The following GTF2IRD1 variants were observed in gnomAD, a reference collection of about 807,000 sequenced individuals.
The protein encoded by GTF2IRD1 is general transcription factor II-I repeat domain-containing protein 1.
In GTF2IRD1, 26 loss-of-function variants were observed where a neutral mutation model predicts 113.2. The observed-to-expected ratio is 0.23, with a 90% confidence interval of 0.17 to 0.32. The LOEUF is 0.32. Among genes scored for constraint, GTF2IRD1 ranks in the 10% least tolerant of loss-of-function variants. GTF2IRD1 has a pLI of 1.00. For missense variants in GTF2IRD1, 864 were observed against 1,280.8 expected (o/e 0.67, Z 4.97); for synonymous variants, 484 against 529.1 (o/e 0.91, Z 1.17).
At position 74,601,651 on chromosome 7, in the gene GTF2IRD1, T is replaced by A. The variant is rs1169819838; in HGVS notation, c.2766+471T>A. On this transcript the variant is annotated intron_variant, in intron 26 of 26. Transcript: ENST00000424337. ...GCCGGGCAAAGTGGGGCATAGTGGC[T>A]CATGCCTGTAATCCCAGCTACTTGG... The A allele has an allele frequency of 3.3e-5, 11 of 336,820 alleles. No homozygotes were observed. In the East Asian group the frequency reaches 7.1e-4, roughly 22 times the overall value. The allele number at this position is 336,820 out of a possible 1,614,324, so 20.9% of individuals were successfully genotyped here.
intron 2 of GTF2IRD1, among the ~76,000 whole-genome samples, chr7:74,510,612 T>G (rs1554342651): frequency 6.6e-6 from 1 of 151,460 alleles, no homozygotes. Flanking sequence ...CCTGATTCAT[T>G]TAAATTCGAA....
At chr7:74,585,274 G>A (rs1801657181) in intron 22 of GTF2IRD1, among the ~76,000 whole-genome samples, 1 of 151,522 alleles carries the variant, frequency 6.6e-6, no homozygotes, top group African/African-American at 2.4e-5. Context: ...ACCACGCCCA[G>A]CTAATTTTTT....
In GTF2IRD1 at chr7:74,519,866, T is replaced by C. The variant is rs1797163988; in HGVS notation, c.916+147T>C. The stretch of plus-strand genomic sequence containing the variant: ...GGGCATGGGAGTGGGACTGGACAGA[T>C]GGTGTCCTGGCTGAGACCCCCTTGG... On this transcript the variant is annotated intron_variant, in intron 6 of 26. Coordinates refer to ENST00000424337, the MANE Select transcript of GTF2IRD1 (RefSeq NM_005685.4). 3 of 585,930 alleles carry C rather than the reference T, an allele frequency of 5.1e-6. No homozygotes were observed. The South Asian group carries it at 6.9e-5, about 13-fold the overall frequency. The allele number at this position is 585,930 out of a possible 1,614,324, so 36.3% of individuals were successfully genotyped here.
intron 1 of GTF2IRD1, among the ~76,000 whole-genome samples, chr7:74,458,653 C>G (rs1162909938): frequency 8.6e-6 from 1 of 116,750 alleles, no homozygotes; most frequent in Non-Finnish European, 1.7e-5. Context: ...CCATCACCCC[C>G]CTTTCTTTTT....
chr7:74,517,951 T>C (rs1797047187), intron 4 of GTF2IRD1, among the ~76,000 whole-genome samples, 188 bp from the exon 5 acceptor site: 1 of 152,098 alleles, frequency 6.6e-6, no homozygotes, highest in Admixed American at 6.5e-5. Context: ...AATTGGGCCT[T>C]GTCCACACCA....
At chr7:74,522,061 A>G (rs781945108) in intron 7 of GTF2IRD1, among the ~76,000 whole-genome samples, 7 of 152,098 alleles carry the variant, frequency 4.6e-5, no homozygotes, top group African/African-American at 9.7e-5. Context: ...TCCTCACAAC[A>G]TGGCCACTGG....
rs1554370777 is a variant in GTF2IRD1 at position 74,593,585 on chromosome 7, T to TGGGGCGTGG, written c.2592-1429_2592-1428insGGGGCGTGG. On this transcript the variant is annotated intron_variant, in intron 24 of 26. Coordinates refer to ENST00000424337, the MANE Select transcript of GTF2IRD1 (RefSeq NM_005685.4). Reference sequence around the variant, plus strand: ...CGTCTCCACTAAAAATACAAAAAACTAGCCGGGCGTGGCGCAGGGCACCTG... The same window carrying TGGGGCGTGG: ...CGTCTCCACTAAAAATACAAAAAACTGGGGCGTGGAGCCGGGCGTGGCGCAGGGCACCTG... Among the ~76,000 whole-genome samples the TGGGGCGTGG allele has an allele frequency of 1.5e-4, 23 of 151,418 alleles. No homozygotes were observed. The East Asian group carries it at 1.6e-3, about 10-fold the overall frequency.
At chr7:74,489,107 A>C (rs1330457223) in intron 1 of GTF2IRD1, among the ~76,000 whole-genome samples, 1 of 151,798 alleles carries the variant, frequency 6.6e-6, no homozygotes, top group Non-Finnish European at 1.5e-5. Context: ...GTGCCACTGC[A>C]CTCCAGCCTG....
chr7:74,515,056 CAAAAAA>C (rs782246030), intron 3 of GTF2IRD1, among the ~76,000 whole-genome samples: 51 of 66,796 alleles, frequency 7.6e-4, no homozygotes, highest in African/African-American at 9.8e-4. Context: ...GACTCTGTCT[CAAAAAA>C]AAAAAAAAAA....
chr7:74,501,276 G>A (rs550213565), intron 1 of GTF2IRD1, among the ~76,000 whole-genome samples: 9 of 152,302 alleles, frequency 5.9e-5, no homozygotes, highest in Admixed American at 1.3e-4. Flanking sequence ...TGAAGGCTGC[G>A]TTGTGGGGTG....
At position 74,600,461 on chromosome 7, in the gene GTF2IRD1, C is replaced by A. The variant is rs144539012; in HGVS notation, c.2630-583C>A. Among the ~76,000 whole-genome samples the A allele has an allele frequency of 1.8e-4, 28 of 152,212 alleles. 1 individual carries two copies. Among genetic ancestry groups the A allele is most frequent in the African/African-American group, 6.5e-4 (27 of 41,534 alleles). On this transcript the variant is annotated intron_variant, in intron 25 of 26. Coordinates refer to ENST00000424337, the MANE Select transcript of GTF2IRD1 (RefSeq NM_005685.4). ...CGATGGCTCATGCCTATAATCCCAG[C>A]ACTTTGGGAGGCCGAGGTGGATGGA...
At chr7:74,578,557 A>AATT (rs1194995070) in intron 22 of GTF2IRD1, among the ~76,000 whole-genome samples, 1 of 152,186 alleles carries the variant, frequency 6.6e-6, no homozygotes, top group Non-Finnish European at 1.5e-5. Flanking sequence ...TGGTTGACAT[A>AATT]ATGCTGAAGT....
chr7:74,493,110 CT>C lies in GTF2IRD1; in HGVS notation c.-6-14949del, dbSNP rs60137731. On this transcript the variant is annotated intron_variant, in intron 1 of 26. Coordinates refer to ENST00000424337, the MANE Select transcript of GTF2IRD1 (RefSeq NM_005685.4). Reference sequence around the variant, plus strand: ...CCTGGCATGACCTCTTCTTCTTCTTCTTTTTTTTTTTTTTTTGAGATAGGGG... The same window carrying C: ...CCTGGCATGACCTCTTCTTCTTCTTCTTTTTTTTTTTTTTTGAGATAGGGG... Among the ~76,000 whole-genome samples, 823 of 134,156 alleles carry C rather than the reference CT, an allele frequency of 6.1e-3. 2 individuals carry two copies. Among genetic ancestry groups the C allele is most frequent in the African/African-American group, 0.01 (371 of 35,688 alleles). 88.0% of individuals were successfully genotyped at this position (134,156 alleles called of 152,430 possible). A position where few individuals can be genotyped will look rare whatever the true frequency, so the allele number is the denominator to read the frequency against.
intron 13 of GTF2IRD1, 113 bp from the exon 14 acceptor site, chr7:74,539,766 A>C: frequency 4.6e-6 from 3 of 657,754 alleles, no homozygotes; most frequent in East Asian, 2.8e-5. Flanking sequence ...AAAAAGAGAC[A>C]GAAAGAAAAG....
At chr7:74,544,030 C>G (rs1798782817) in intron 14 of GTF2IRD1, among the ~76,000 whole-genome samples, 1 of 152,120 alleles carries the variant, frequency 6.6e-6, no homozygotes, top group Admixed American at 6.6e-5. Context: ...TCCTGGGCAA[C>G]AGAGCAAGAC....
chr7:74,547,698 C>T (rs1799031477), intron 17 of GTF2IRD1, among the ~76,000 whole-genome samples: 1 of 151,568 alleles, frequency 6.6e-6, no homozygotes. Flanking sequence ...CTCAGCCTCC[C>T]AAAGTGCTGG....
intron 1 of GTF2IRD1, among the ~76,000 whole-genome samples, chr7:74,499,741 T>G (rs1584530381): frequency 6.6e-6 from 1 of 151,790 alleles, no homozygotes; most frequent in Non-Finnish European, 1.5e-5. Context: ...CACCAAGGGA[T>G]GAATGAATGC....
chr7:74,544,709 A>C, intron 14 of GTF2IRD1, 46 bp from the exon 15 acceptor site: 4 of 1,594,452 alleles, frequency 2.5e-6, no homozygotes, highest in Non-Finnish European at 2.6e-6. Context: ...TGCATGGCTT[A>C]GGAGATGATG....
At position 74,535,103 on chromosome 7, in the gene GTF2IRD1, C is replaced by A; in HGVS notation, c.1275-10C>A. 1 of 1,612,080 alleles carries A rather than the reference C, an allele frequency of 6.2e-7. No individual in the cohort carries two copies. Among genetic ancestry groups the A allele is most frequent in the Non-Finnish European group, 8.5e-7 (1 of 1,178,152 alleles). ...CACTGTTCTCATGCCTGTCTCTCTT[C>A]TCTCCCCAGGATGTTTGATGAGCGA... On this transcript the variant is annotated splice_polypyrimidine_tract_variant and intron_variant, in intron 9 of 26. Transcript: ENST00000424337.
Sources: allele counts gnomAD v4.1 joint callset (sites outside exome capture counted in the v4.1 genomes callset), GRCh38; gene constraint gnomAD v4.1.1; transcripts MANE v1.5; gene names NCBI Gene and HGNC (gene_info 2026-07-23, HGNC 2026-07-21).